Variants in MEI1 observed in about 807,000 individuals in gnomAD.
MEI1 encodes the protein meiosis inhibitor protein 1.
MEI1 carries 103 observed loss-of-function variants against 146.2 expected under a neutral mutation model. The observed-to-expected ratio is 0.70, with a 90% CI of 0.60 to 0.83. The LOEUF is 0.83. MEI1 is among the 40% of genes least tolerant of loss of function. The pLI is 0.00. For missense variants in MEI1, 1,529 were observed against 1,533.0 expected (o/e 1.00, Z 0.04); for synonymous variants, 652 against 628.2 (o/e 1.04, Z -0.57).
chr22:41,777,402 C>T (rs746564954), intron 21 of MEI1, among the ~76,000 whole-genome samples: 59 of 152,058 alleles, frequency 3.9e-4, no homozygotes, highest in Admixed American at 9.2e-4. Flanking sequence ...GTGATCCGCC[C>T]GCCTCAGCCT....
chr22:41,728,334 T>G (rs2071548509), intron 7 of MEI1, among the ~76,000 whole-genome samples: 1 of 152,184 alleles, frequency 6.6e-6, no homozygotes, highest in South Asian at 2.1e-4. Context: ...GTTTTCTAAG[T>G]ATAATAGCCT....
intron 3 of MEI1, among the ~76,000 whole-genome samples, chr22:41,712,384 A>C (rs2069663045): frequency 6.6e-6 from 1 of 150,632 alleles, no homozygotes; most frequent in Non-Finnish European, 1.5e-5. Context: ...ACAGGCGCCC[A>C]CCACCACGCC....
Position 41,763,288 on chromosome 22 carries a change from A to C in MEI1, c.2235A>C (p.Ala745=). ...VVFKASIYLL[A]ICQDKDNTLR... is the part of the protein sequence containing the mutation. ...TCAAAGCCTCCATCTATCTGCTTGC[A>C]ATCTGCCAGGACAAAGACAATACAC... The change falls in exon 19 of 31, where the codon GCA becomes GCC. Residue 745 remains alanine (A), a synonymous_variant. Transcript: ENST00000401548. 1 of 1,613,942 alleles carries C rather than the reference A, an allele frequency of 6.2e-7. No individual in the cohort carries two copies. Among genetic ancestry groups the C allele is most frequent in the Non-Finnish European group, 8.5e-7 (1 of 1,179,890 alleles).
intron 17 of MEI1, among the ~76,000 whole-genome samples, chr22:41,754,736 T>C (rs1411404788): frequency 6.6e-6 from 1 of 152,110 alleles, no homozygotes; most frequent in Non-Finnish European, 1.5e-5. Flanking sequence ...AGCCAAGAGG[T>C]GTTTCTTGAG....
intron 11 of MEI1, among the ~76,000 whole-genome samples, chr22:41,737,549 T>G (rs9611649): frequency 0.081 from 12,238 of 151,432 alleles, 1,368 homozygotes; most frequent in African/African-American, 0.26. Flanking sequence ...TCTTTTTTTC[T>G]GGGGGGTGAG....
intron 18 of MEI1, among the ~76,000 whole-genome samples, chr22:41,761,561 G>T (rs565288636): frequency 7.6e-4 from 115 of 151,888 alleles, no homozygotes; most frequent in African/African-American, 2.6e-3. Context: ...TGATCTGCCC[G>T]CCTCGGCCTC....
At chr22:41,733,453 G>A (rs910222488) in intron 11 of MEI1, among the ~76,000 whole-genome samples, 16 of 143,564 alleles carry the variant, frequency 1.1e-4, no homozygotes, top group Admixed American at 9.7e-4. Context: ...TGTCTCAAAA[G>A]AAAAAAGAAA....
At chr22:41,763,964 T>G (rs1463772944) in intron 19 of MEI1, among the ~76,000 whole-genome samples, 1 of 87,546 alleles carries the variant, frequency 1.1e-5, no homozygotes, top group African/African-American at 6.0e-5. Context: ...TTTTTTTTTT[T>G]GAGACGGAGT....
At position 41,785,916 on chromosome 22, in the gene MEI1, T is replaced by TTTA. The variant is rs1491346772; in HGVS notation, c.3345+1135_3345+1136insATT. ...TTTTATTTTTTTATTTTTTATTTTATTTTTTTTTTTTTGAGACGGAGTCTC... is the reference window on the plus strand; with the variant it reads ...TTTTATTTTTTTATTTTTTATTTTATTTATTTTTTTTTTTTGAGACGGAGTCTC... On this transcript the variant is annotated intron_variant, in intron 26 of 30. Coordinates refer to ENST00000401548, the MANE Select transcript of MEI1 (RefSeq NM_152513.4). Among the ~76,000 whole-genome samples, 874 of 108,476 alleles carry TTTA rather than the reference T, an allele frequency of 8.1e-3. 16 individuals carry two copies. The highest frequency in any genetic ancestry group is 0.036 in the South Asian group (136 of 3,736). 71.2% of individuals were successfully genotyped at this position (108,476 alleles called of 152,430 possible).
intron 19 of MEI1, among the ~76,000 whole-genome samples, chr22:41,766,472 C>T (rs1031793684): frequency 2.6e-5 from 4 of 151,850 alleles, no homozygotes; most frequent in African/African-American, 7.3e-5. Context: ...GCCTGGCTTA[C>T]AATTCCTTCT....
Position 41,799,329 on chromosome 22 carries a change from G to A in MEI1, c.*30G>A. On this transcript the variant is annotated 3_prime_UTR_variant, in exon 31 of 31. Coordinates refer to ENST00000401548, the MANE Select transcript of MEI1 (RefSeq NM_152513.4). ...CAGGACTTGAAGGCCCAGAAGTGGAGAGAGAATGAGACCTGGAGACAAAGG... is the reference window on the plus strand; with the variant it reads ...CAGGACTTGAAGGCCCAGAAGTGGAAAGAGAATGAGACCTGGAGACAAAGG... 6.2e-7 allele frequency: 1 copy of A among 1,608,804 alleles called. No individual in the cohort carries two copies. The highest frequency in any genetic ancestry group is 2.2e-5 in the East Asian group (1 of 44,834).
At chr22:41,740,567 C>T (rs1333305091) in intron 11 of MEI1, among the ~76,000 whole-genome samples, 3 of 151,918 alleles carry the variant, frequency 2.0e-5, no homozygotes, top group Admixed American at 6.6e-5. Context: ...CCTGAGGAAA[C>T]GCTATCTCTA....
rs1489348700 is a variant in MEI1, at chr22:41,743,133, T to G, written c.1385T>G (p.Leu462Arg). ...CAGTATGGGGAACTGCAGGCTTTGC[T>G]AGAAGCCATGCTAAACCGATGTGCG... Reference protein sequence around the residue: ...PVQYGELQALLEAMLNRCAEF... With the variant: ...PVQYGELQALREAMLNRCAEF... Residue 462 changes from leucine (L) to arginine (R), a missense_variant, in exon 12 of 31, where the codon CTA (leucine) becomes CGA (arginine). By Grantham distance (102) the Leu-to-Arg change is moderately radical. This residue lies in a region of MEI1 where 1,212 missense variants were observed against 1,178.9 expected (regional missense o/e 1.03). Transcript: ENST00000401548. The G allele has an allele frequency of 1.9e-6, 3 of 1,613,244 alleles. No homozygotes were observed. The highest frequency in any genetic ancestry group is 2.5e-6 in the Non-Finnish European group (3 of 1,179,814).
At position 41,795,869 on chromosome 22, in the gene MEI1, A is replaced by C. The variant is rs763302457; in HGVS notation, c.3779+22A>C. ...TGCTGTATCCTTTCTTGCATCTATG[A>C]TGAAGGAGATGCCAAATCACTGGGT... On this transcript the variant is annotated intron_variant, in intron 30 of 30. Transcript: ENST00000401548. The surrounding 1 kb of genome is among the most constrained non-coding windows in gnomAD (Gnocchi z 4.2). 3 of 1,612,884 alleles carry C rather than the reference A, an allele frequency of 1.9e-6. No homozygotes were observed. In the South Asian group the frequency reaches 3.3e-5, roughly 18 times the overall value.
intron 9 of MEI1, among the ~76,000 whole-genome samples, chr22:41,731,569 G>A (rs1455973207): frequency 6.6e-6 from 1 of 151,882 alleles, no homozygotes; most frequent in African/African-American, 2.4e-5. Context: ...TGTTGGCCAG[G>A]CTGGTCTTGA....
chr22:41,733,617 G>A (rs2072060644), intron 11 of MEI1, among the ~76,000 whole-genome samples: 1 of 151,596 alleles, frequency 6.6e-6, no homozygotes, highest in South Asian at 2.1e-4. Flanking sequence ...GCATGATGGC[G>A]CATGCCTGTA....
At chr22:41,745,860 A>G (rs773791139) in intron 13 of MEI1, 25 bp from the exon 14 acceptor site, 17 of 1,590,030 alleles carry the variant, frequency 1.1e-5, no homozygotes, top group Non-Finnish European at 1.3e-5. Flanking sequence ...GTGGTAGTGG[A>G]TATACTCACA....
At chr22:41,755,894 G>T (rs1447139736) in intron 17 of MEI1, among the ~76,000 whole-genome samples, 1 of 152,024 alleles carries the variant, frequency 6.6e-6, no homozygotes, top group Non-Finnish European at 1.5e-5. Context: ...GCTTGCCCAG[G>T]ACTTGGCCCT....
chr22:41,778,028 T>TCTCCTCCTTTCTTCCTC (rs1406110033), intron 21 of MEI1, among the ~76,000 whole-genome samples: 1 of 150,028 alleles, frequency 6.7e-6, no homozygotes, highest in African/African-American at 2.5e-5. Flanking sequence ...CTTTCTTCCT[T>TCTCCTCCTTTCTTCCTC]CTCCTCCTTT....
Sources: allele counts gnomAD v4.1 joint callset (sites outside exome capture counted in the v4.1 genomes callset), GRCh38; gene constraint gnomAD v4.1.1; regional missense constraint gnomAD v4.1.1; non-coding constraint Gnocchi (gnomAD v3.1); transcripts MANE v1.5; gene names NCBI Gene and HGNC (gene_info 2026-07-23, HGNC 2026-07-21).